The following C3 variants were observed in gnomAD, a reference collection of about 807,000 sequenced individuals.
C3 encodes the protein C3 and PZP-like alpha-2-macroglobulin domain-containing protein 1.
In C3, 97 loss-of-function variants were observed where a neutral mutation model predicts 207.9. The ratio of observed to expected loss-of-function variants is 0.47; its 90% CI spans 0.40 to 0.55. The LOEUF is 0.55. Among genes scored for constraint, C3 ranks in the 20% least tolerant of loss-of-function variants. The probability of loss-of-function intolerance (pLI) is 0.00; values close to 1 mark genes in which losing one functional copy is unlikely to be tolerated. For missense variants in C3, 1,684 were observed against 2,171.7 expected (o/e 0.78, Z 4.46); for synonymous variants, 848 against 857.6 (o/e 0.99, Z 0.20).
chr19:6,693,958 T>C (rs1568215722), intron 24 of C3, among the ~76,000 whole-genome samples: 1 of 140,412 alleles, frequency 7.1e-6, no homozygotes. Flanking sequence ...GGCGTGGCCT[T>C]GAGAAGAGGT....
chr19:6,686,367 T>G (rs1351541491), intron 28 of C3, 80 bp from the exon 29 acceptor site: 2 of 1,490,790 alleles, frequency 1.3e-6, no homozygotes, highest in Non-Finnish European at 1.9e-6. Context: ...CAGAAAGAGA[T>G]GCATGCTAGA....
At position 6,685,641 on chromosome 19, in the gene C3, G is replaced by A. The variant is rs142893056; in HGVS notation, c.3810+483C>T. On this transcript the variant is annotated intron_variant, in intron 29 of 40. Coordinates refer to ENST00000245907, the MANE Select transcript of C3 (RefSeq NM_000064.4). ...AGGCCAACTGGAGCCTGAAGTTGCT[G>A]AAGCCTGAAGTTACTGAAACCATGG... Among the ~76,000 whole-genome samples, 593 of 152,320 alleles carry A rather than the reference G, an allele frequency of 3.9e-3. 4 individuals carry two copies. The highest frequency in any genetic ancestry group is 0.013 in the African/African-American group (555 of 41,568).
chr19:6,691,999 CACACACACACACA>C (rs1918180143), intron 26 of C3, among the ~76,000 whole-genome samples: 1 of 141,476 alleles, frequency 7.1e-6, no homozygotes, highest in African/African-American at 2.9e-5. Flanking sequence ...AACACACACA[CACACACACACACA>C]CACACACACA....
At position 6,694,329 on chromosome 19, in the gene C3, A is replaced by G. The variant is rs1365183600; in HGVS notation, c.3154+102T>C. ...GGGGAGTGGCTAGGAGAGAAGGTGG[A>G]GCCTCAGGGGAGGGCGTGGTCTTGA... On this transcript the variant is annotated intron_variant, in intron 24 of 40. Coordinates refer to ENST00000245907, the MANE Select transcript of C3 (RefSeq NM_000064.4). 4.0e-6 allele frequency: 4 copies of G among 1,002,636 alleles called. No individual in the cohort carries two copies. The Admixed American group carries it at 7.6e-5, about 19-fold the overall frequency. 62.1% of individuals were successfully genotyped at this position (1,002,636 alleles called of 1,614,324 possible). A position where few individuals can be genotyped will look rare whatever the true frequency, so the allele number is the denominator to read the frequency against.
At chr19:6,709,942 G>T in intron 13 of C3, 100 bp from the exon 14 acceptor site, 1 of 1,140,508 alleles carries the variant, frequency 8.8e-7, no homozygotes, top group Non-Finnish European at 1.3e-6. Context: ...CAGAAAGGTT[G>T]GGGGGAGCCG....
rs765914981 is a variant in C3 at position 6,712,610 on chromosome 19, C to T, written c.1017G>A (p.Val339=). 2 of 1,613,900 alleles carry T rather than the reference C, an allele frequency of 1.2e-6. No individual in the cohort carries two copies. The highest frequency in any genetic ancestry group is 4.5e-5 in the East Asian group (2 of 44,892). ...TVILHSGSDM[V]QAERSGIPIV... ...TGGGGATCCCGCTGCGCTCTGCCTG[C>T]ACCATGTCACTGCCTGAGGGGACCA... The change falls in exon 10 of 41, where the codon GTG becomes GTA. Residue 339 remains valine (V), a synonymous_variant. Coordinates refer to ENST00000245907, the MANE Select transcript of C3 (RefSeq NM_000064.4).
At chr19:6,686,426 T>C in intron 28 of C3, 139 bp from the exon 29 acceptor site, 1 of 907,654 alleles carries the variant, frequency 1.1e-6, no homozygotes, top group South Asian at 1.3e-5. Context: ...TCTCAATTAC[T>C]TGGCTCCTGC....
intron 9 of C3, 70 bp downstream of exon 9, chr19:6,713,117 TTC>T: frequency 6.3e-7 from 1 of 1,576,950 alleles, no homozygotes; most frequent in Non-Finnish European, 8.7e-7. Flanking sequence ...AGGCTTTCTC[TTC>T]TGACCTGGTC....
Position 6,682,260 on chromosome 19 carries a change from C to A in C3, c.4173-31G>T, listed in dbSNP as rs1267050929. Reference sequence around the variant, plus strand: ...TAGTGCAGAAAGAAGGGCATTGGGTCCCAAGGAGGGGTCAGCCCCAAGGGT... The same window carrying A: ...TAGTGCAGAAAGAAGGGCATTGGGTACCAAGGAGGGGTCAGCCCCAAGGGT... On this transcript the variant is annotated intron_variant, in intron 33 of 40. Coordinates refer to ENST00000245907, the MANE Select transcript of C3 (RefSeq NM_000064.4). 4 of 1,562,680 alleles carry A rather than the reference C, an allele frequency of 2.6e-6. No individual in the cohort carries two copies. The African/African-American group carries it at 5.4e-5, about 21-fold the overall frequency.
At chr19:6,681,901 GC>G in intron 35 of C3, 39 bp downstream of exon 35, 1 of 1,400,000 alleles carries the variant, frequency 7.1e-7, no homozygotes. Context: ...AGGTCAGGGT[GC>G]CCCTGGAAGC....
Position 6,688,817 on chromosome 19 carries a change from C to T in C3, c.3489+1812G>A, listed in dbSNP as rs570982080. On this transcript the variant is annotated intron_variant, in intron 27 of 40. Coordinates refer to ENST00000245907, the MANE Select transcript of C3 (RefSeq NM_000064.4). Reference sequence around the variant, plus strand: ...AAGAACTTCTTCTCCCTTCCATTCACGTGGCCACAGTGGAAACAGCCATGT... The same window carrying T: ...AAGAACTTCTTCTCCCTTCCATTCATGTGGCCACAGTGGAAACAGCCATGT... Among the ~76,000 whole-genome samples the T allele has an allele frequency of 3.9e-5, 6 of 152,260 alleles. No individual in the cohort carries two copies. The South Asian group carries it at 1.2e-3, about 32-fold the overall frequency.
Position 6,707,061 on chromosome 19 carries a change from C to T in C3, c.2245+15G>A, listed in dbSNP as rs11569434. 3.1e-4 allele frequency: 492 copies of T among 1,605,556 alleles called. 2 individuals carry two copies. In the African/African-American group the frequency reaches 6.3e-3, roughly 20 times the overall value. On this transcript the variant is annotated intron_variant, in intron 17 of 40. Transcript: ENST00000245907. ...AGACGGCCCCCTCCCCCTGTCCCCACCCCGTGGGACCTACTCCTGGCCAGG... is the reference window on the plus strand; with the variant it reads ...AGACGGCCCCCTCCCCCTGTCCCCATCCCGTGGGACCTACTCCTGGCCAGG...
At position 6,711,234 on chromosome 19, in the gene C3, C is replaced by G. The variant is rs200337438; in HGVS notation, c.1270-38G>C. Reference sequence around the variant, plus strand: ...AGAGGGATGCCTGCTGGTCGCCGCCCGAGGATACCCACACCCGAATCCCTG... The same window carrying G: ...AGAGGGATGCCTGCTGGTCGCCGCCGGAGGATACCCACACCCGAATCCCTG... On this transcript the variant is annotated intron_variant, in intron 11 of 40. Transcript: ENST00000245907. 15 of 1,556,662 alleles carry G rather than the reference C, an allele frequency of 9.6e-6. No homozygotes were observed. The South Asian group carries it at 1.4e-4, about 15-fold the overall frequency.
chr19:6,689,365 CTCT>C (rs1918112145), intron 27 of C3, among the ~76,000 whole-genome samples: 1 of 129,264 alleles, frequency 7.7e-6, no homozygotes. Context: ...CCCTCCCTCT[CTCT>C]CTCTCTCTCT....
At chr19:6,712,678 T>A (rs1187107045) in intron 9 of C3, 55 bp from the exon 10 acceptor site, 23 of 1,446,208 alleles carry the variant, frequency 1.6e-5, no homozygotes, top group Non-Finnish European at 2.2e-5. Context: ...GGATTAGACC[T>A]CCTCCCTCAG....
chr19:6,681,969 C>A lies in C3; in HGVS notation c.4322G>T (p.Arg1441Met), dbSNP rs1176017907. The part of the protein sequence containing the change: ...KYELDKAFSD[R>M]NTLIIYLDKV... ...GTCCAGGTAGATGATGAGGGTGTTC[C>A]TATCGGAGAAGGCTTTGTCCAGCTC... The change falls in exon 35 of 41, where the codon AGG becomes ATG. Residue 1441 changes from arginine to methionine, a missense_variant. Physicochemically the swap from Arg to Met is moderately conservative, Grantham distance 91. This residue lies in a region of C3 where 346 missense variants were observed against 380.1 expected (regional missense o/e 0.91). Transcript: ENST00000245907. 1.2e-6 allele frequency: 2 copies of A among 1,613,922 alleles called. No homozygotes were observed. Among genetic ancestry groups the A allele is most frequent in the Admixed American group, 1.7e-5 (1 of 60,004 alleles).
chr19:6,706,533 C>G (rs141132388), intron 17 of C3, among the ~76,000 whole-genome samples: 4 of 152,256 alleles, frequency 2.6e-5, no homozygotes, highest in Non-Finnish European at 5.9e-5. Context: ...CTCTACCTCA[C>G]GCTGGCAGGG....
Position 6,692,956 on chromosome 19 carries a change from C to G in C3, c.3358G>C (p.Glu1120Gln). 10 of 1,614,180 alleles carry G rather than the reference C, an allele frequency of 6.2e-6. No homozygotes were observed. The highest frequency in any genetic ancestry group is 8.5e-6 in the Non-Finnish European group (10 of 1,180,040). Residue 1120 changes from glutamate (E) to glutamine (Q), a missense_variant, in exon 26 of 41, where the codon GAG becomes CAG. Glu to Gln is a conservative substitution (Grantham distance 29, BLOSUM62 2). This residue lies in a region of C3 where 1,280 missense variants were observed against 1,739.1 expected (regional missense o/e 0.74). Coordinates refer to ENST00000245907, the MANE Select transcript of C3 (RefSeq NM_000064.4). ...EKQKPDGVFQ[E>Q]DAPVIHQEMI... ...TCTTGGTGTATCACGGGCGCATCCT[C>G]CTGGAAGACCCCGTCGGGCTTCTGC... is the stretch of plus-strand genomic sequence containing the variant.
chr19:6,710,616 G>C, intron 13 of C3, 23 bp downstream of exon 13: 1 of 1,586,996 alleles, frequency 6.3e-7, no homozygotes, highest in Non-Finnish European at 8.6e-7. Flanking sequence ...GAGAGGGGGC[G>C]AGCGAGCCCA....
Sources: allele counts gnomAD v4.1 joint callset (sites outside exome capture counted in the v4.1 genomes callset), GRCh38; gene constraint gnomAD v4.1.1; regional missense constraint gnomAD v4.1.1; transcripts MANE v1.5; gene names NCBI Gene and HGNC (gene_info 2026-07-23, HGNC 2026-07-21).